The following SPATA19 variants were observed in gnomAD, a reference collection of about 807,000 sequenced individuals.
SPATA19 encodes the protein spermatogenesis associated 19.
A neutral mutation model predicts 25.0 loss-of-function variants in SPATA19; 19 were observed. The ratio of observed to expected loss-of-function variants is 0.76; its 90% CI spans 0.53 to 1.11. SPATA19 has a LOEUF of 1.11. SPATA19 is among the 50% of genes most tolerant of loss of function. SPATA19 has a pLI of 0.00. For missense variants in SPATA19, 222 were observed against 211.4 expected, an observed-to-expected ratio of 1.05 and a Z score of -0.31; for synonymous variants, 64 against 69.3, an observed-to-expected ratio of 0.92 and a Z score of 0.38.
At chr11:133,839,041 G>C (rs959571753), downstream of SPATA19, among the ~76,000 whole-genome samples, 2 of 152,214 alleles carry the variant, frequency 1.3e-5, no homozygotes, top group African/African-American at 4.8e-5. Flanking sequence ...ACAGGTGCTG[G>C]AGAGGATGTG....
At position 133,845,187 on chromosome 11, in the gene SPATA19, T is replaced by C; in HGVS notation, c.82A>G (p.Ile28Val). Reference sequence around the variant, plus strand: ...ACAGCCTCACTTTCCACAACGTCAATGTCCTGGAACAAATTGGCAAGTTGG... The same window carrying C: ...ACAGCCTCACTTTCCACAACGTCAACGTCCTGGAACAAATTGGCAAGTTGG... ...LPFLPITSSD[I>V]DVVESEAVSV... The change falls in exon 2 of 7, where the codon ATT (isoleucine) becomes GTT (valine). Residue 28 changes from isoleucine (I) to valine (V), a missense_variant. Ile to Val is a conservative substitution (Grantham distance 29, BLOSUM62 3). Transcript: ENST00000299140. The C allele has an allele frequency of 6.2e-7, 1 of 1,614,092 alleles. No individual in the cohort carries two copies. The highest frequency in any genetic ancestry group is 8.5e-7 in the Non-Finnish European group (1 of 1,180,010).
chr11:133,838,523 A>G (rs1938246747), downstream of SPATA19, among the ~76,000 whole-genome samples: 1 of 152,214 alleles, frequency 6.6e-6, no homozygotes, highest in African/African-American at 2.4e-5. Flanking sequence ...TTATACAAAA[A>G]TCAATTCAAG....
Position 133,844,629 on chromosome 11 carries a change from CTCT to C in SPATA19, c.144_146del (p.Glu49del). 1 of 1,605,542 alleles carries C rather than the reference CTCT, an allele frequency of 6.2e-7. No homozygotes were observed. Among genetic ancestry groups the C allele is most frequent in the Non-Finnish European group, 8.5e-7 (1 of 1,175,812 alleles). On this transcript the variant is annotated inframe_deletion, in exon 3 of 7. Coordinates refer to ENST00000299140, the MANE Select transcript of SPATA19 (RefSeq NM_174927.3). ...GCTTTTCCTTTATGCCCCGAGAAGC[CTCT>C]TCTTCTGTCTGAAAGGTGAGAAATT...
intron 4 of SPATA19, among the ~76,000 whole-genome samples, chr11:133,843,416 A>G (rs1938352931): frequency 6.6e-6 from 1 of 152,202 alleles, no homozygotes. Context: ...CCACCATGTT[A>G]TTCCTTTTGG....
chr11:133,845,127 T>A lies in SPATA19; in HGVS notation c.135+7A>T. Reference sequence around the variant, plus strand: ...GATATCCTGAGTCATAAAGAAATCTTACTCACTTTTTTCAACCAATGATGT... The same window carrying A: ...GATATCCTGAGTCATAAAGAAATCTAACTCACTTTTTTCAACCAATGATGT... On this transcript the variant is annotated splice_region_variant and intron_variant, in intron 2 of 6. Coordinates refer to ENST00000299140, the MANE Select transcript of SPATA19 (RefSeq NM_174927.3). 6.2e-7 allele frequency: 1 copy of A among 1,612,816 alleles called. No homozygotes were observed.
chr11:133,843,478 A>T (rs982136927), intron 4 of SPATA19, among the ~76,000 whole-genome samples: 14 of 152,206 alleles, frequency 9.2e-5, no homozygotes, highest in Admixed American at 2.0e-4. Flanking sequence ...TGCCACTAGA[A>T]GGGGTAAGCA....
downstream of SPATA19, among the ~76,000 whole-genome samples, chr11:133,838,836 AAAAAAC>A (rs1565395302): frequency 6.6e-6 from 1 of 152,228 alleles, no homozygotes; most frequent in East Asian, 1.9e-4. Context: ...ATTTACAAGA[AAAAAAC>A]AAACAACCCC....
downstream of SPATA19, among the ~76,000 whole-genome samples, chr11:133,836,918 C>G (rs889286175): frequency 2.6e-5 from 4 of 152,172 alleles, no homozygotes; most frequent in Non-Finnish European, 1.5e-5. Flanking sequence ...CAAAGTGACT[C>G]TGGTCAAGGT....
rs34642690 is a variant in SPATA19 at position 133,844,341 on chromosome 11, G to C, written c.268-4C>G. On this transcript the variant is annotated splice_polypyrimidine_tract_variant and splice_region_variant and intron_variant, in intron 3 of 6. Coordinates refer to ENST00000299140, the MANE Select transcript of SPATA19 (RefSeq NM_174927.3). ...ACTTAGAGAGGTGGTGCTTCACCTG[G>C]GAAATCCAGAGGGTCCATGTGATTC... The C allele has an allele frequency of 1.9e-6, 3 of 1,614,058 alleles. No individual in the cohort carries two copies. Among genetic ancestry groups the C allele is most frequent in the Non-Finnish European group, 2.5e-6 (3 of 1,179,940 alleles).
chr11:133,842,217 G>T (rs776972256), intron 5 of SPATA19, 112 bp from the exon 6 acceptor site: 3 of 1,044,376 alleles, frequency 2.9e-6, no homozygotes, highest in Middle Eastern at 2.7e-4. Flanking sequence ...CCTAGGCCGT[G>T]GCCACACTGG....
At chr11:133,841,963 G>A (rs1177373065) in intron 6 of SPATA19, 67 bp downstream of exon 6, 2 of 1,446,934 alleles carry the variant, frequency 1.4e-6, no homozygotes, top group East Asian at 2.3e-5. Context: ...CCCAGCTGCA[G>A]TGCCCCTTCC....
downstream of SPATA19, among the ~76,000 whole-genome samples, chr11:133,840,474 G>A (rs1227378229): frequency 6.6e-6 from 1 of 152,186 alleles, no homozygotes; most frequent in Non-Finnish European, 1.5e-5. Context: ...TTATGTTCCA[G>A]GAGCACCAAT....
intron 2 of SPATA19, 135 bp from the exon 3 acceptor site, chr11:133,844,775 T>C: frequency 9.3e-7 from 1 of 1,079,764 alleles, no homozygotes; most frequent in Non-Finnish European, 1.3e-6. Context: ...ACTCCTTACC[T>C]CACTGTTCCC....
At chr11:133,841,304 C>A (rs1205866963) in intron 6 of SPATA19, among the ~76,000 whole-genome samples, 1 of 152,184 alleles carries the variant, frequency 6.6e-6, no homozygotes, top group Non-Finnish European at 1.5e-5. Flanking sequence ...AAATGATAAA[C>A]CCTGACAAAC....
chr11:133,841,476 C>T (rs986925374), intron 6 of SPATA19, among the ~76,000 whole-genome samples: 2 of 152,158 alleles, frequency 1.3e-5, no homozygotes, highest in African/African-American at 2.4e-5. Flanking sequence ...GACTGCATCC[C>T]GGATAGCTCT....
downstream of SPATA19, among the ~76,000 whole-genome samples, chr11:133,838,659 C>A (rs947052650): frequency 1.1e-4 from 17 of 152,134 alleles, no homozygotes; most frequent in Admixed American, 2.0e-4. Flanking sequence ...GCAATGGCAA[C>A]AAAAGCCAAA....
At position 133,844,571 on chromosome 11, in the gene SPATA19, C is replaced by T; in HGVS notation, c.205G>A (p.Glu69Lys). ...GGAGGGGAGTCAGTGGACATCTTCT[C>T]CCTTACACCCTGGGAAGGGTGGTTG... Reference protein sequence around the residue: ...SINHPSQGVREKMSTDSPPTH... With the variant: ...SINHPSQGVRKKMSTDSPPTH... The change falls in exon 3 of 7, where the codon GAG (glutamate) becomes AAG (lysine). Residue 69 changes from glutamate (E) to lysine (K), a missense_variant. Transcript: ENST00000299140. The T allele has an allele frequency of 6.2e-7, 1 of 1,614,096 alleles. No individual in the cohort carries two copies. Among genetic ancestry groups the T allele is most frequent in the Non-Finnish European group, 8.5e-7 (1 of 1,179,992 alleles).
chr11:133,845,425 C>G lies in SPATA19; in HGVS notation c.22G>C (p.Val8Leu), dbSNP rs751158623. The G allele has an allele frequency of 1.9e-6, 3 of 1,614,028 alleles. No individual in the cohort carries two copies. The East Asian group carries it at 6.7e-5, about 36-fold the overall frequency. Residue 8 changes from valine (V) to leucine (L), a missense_variant, in exon 1 of 7, where the codon GTG (valine) becomes CTG (leucine). Coordinates refer to ENST00000299140, the MANE Select transcript of SPATA19 (RefSeq NM_174927.3). MIITTWI[V>L]YILARKGVGL... ...ACACCTTTCCGAGCAAGAATATACA[C>G]AATCCATGTCGTAATTATCATCTTT...
At chr11:133,841,150 A>C (rs1225189644) in intron 6 of SPATA19, among the ~76,000 whole-genome samples, 1 of 152,154 alleles carries the variant, frequency 6.6e-6, no homozygotes, top group African/African-American at 2.4e-5. Flanking sequence ...TGTTGCATTG[A>C]GGAAATTGAG....
Sources: gnomAD v4.1 joint callset for allele counts (sites outside exome capture counted in the v4.1 genomes callset) on GRCh38, gnomAD v4.1.1 for gene constraint, MANE v1.5 for transcripts, NCBI Gene and HGNC (gene_info 2026-07-23, HGNC 2026-07-21) for gene names.